The following GPHN variants were observed in gnomAD, a reference collection of about 807,000 sequenced individuals.
GPHN encodes gephyrin.
Under a neutral mutation model 95.5 loss-of-function variants are expected in GPHN, and 17 were observed. The ratio of observed to expected loss-of-function variants is 0.18; its 90% CI spans 0.12 to 0.27. The LOEUF (loss-of-function observed/expected upper bound fraction) is 0.27. Among genes scored for constraint, GPHN ranks in the 10% least tolerant of loss-of-function variants. GPHN has a pLI of 1.00. For missense variants in GPHN, 660 were observed against 978.1 expected (o/e 0.67, Z 4.34); for synonymous variants, 320 against 322.5 (o/e 0.99, Z 0.08).
intron 10 of GPHN, among the ~76,000 whole-genome samples, chr14:67,042,014 T>C (rs569595942): frequency 6.6e-6 from 1 of 152,326 alleles, no homozygotes; most frequent in African/African-American, 2.4e-5. Flanking sequence ...CATAAATGTC[T>C]TCTTTTGAGA....
At chr14:67,383,503 A>C in the GPHN span, 45 of 1,597,700 alleles carry the variant, frequency 2.8e-5, no homozygotes, top group Non-Finnish European at 3.8e-5. Flanking sequence ...TGTAAATCCT[A>C]GACTTGAAAG....
chr14:66,518,597 G>C (rs1347645533), intron 1 of GPHN, among the ~76,000 whole-genome samples: 1 of 152,070 alleles, frequency 6.6e-6, no homozygotes, highest in Non-Finnish European at 1.5e-5. Context: ...GTGTCCAACA[G>C]CAGATTAATG....
the GPHN span, among the ~76,000 whole-genome samples, chr14:67,217,177 T>A: frequency 2.0e-5 from 3 of 152,110 alleles, no homozygotes; most frequent in African/African-American, 7.2e-5. Context: ...CTTTTTTTTT[T>A]ACAGTTTCTG....
At chr14:67,629,762 A>G in the GPHN span, among the ~76,000 whole-genome samples, 1 of 152,204 alleles carries the variant, frequency 6.6e-6, no homozygotes, top group Non-Finnish European at 1.5e-5. Context: ...TTATTGTGAA[A>G]TGTGTTCAAG....
chr14:67,086,720 C>T (rs1210279897), intron 11 of GPHN, among the ~76,000 whole-genome samples: 1 of 149,760 alleles, frequency 6.7e-6, no homozygotes, highest in Non-Finnish European at 1.5e-5. Context: ...AAATATATTG[C>T]TGTGGGTAAG....
chr14:66,788,822 A>G (rs2059875139), intron 3 of GPHN, among the ~76,000 whole-genome samples: 1 of 151,952 alleles, frequency 6.6e-6, no homozygotes, highest in Non-Finnish European at 1.5e-5. Flanking sequence ...AGGCCTGGCT[A>G]ATTTTTTGTA....
At chr14:67,722,409 T>G in the GPHN span, 1 of 599,580 alleles carries the variant, frequency 1.7e-6, no homozygotes, top group African/African-American at 1.9e-5. Context: ...CTTGACTCCA[T>G]CCCCTCCCCA....
chr14:67,632,195 A>C, the GPHN span, among the ~76,000 whole-genome samples: 1 of 152,144 alleles, frequency 6.6e-6, no homozygotes, highest in Non-Finnish European at 1.5e-5. Context: ...CAAAAACTTT[A>C]TCTCTAATAC....
the GPHN span, among the ~76,000 whole-genome samples, chr14:67,381,983 C>G: frequency 6.6e-6 from 1 of 151,972 alleles, no homozygotes; most frequent in Non-Finnish European, 1.5e-5. Context: ...ATACTGAGAG[C>G]ACTTTAAAAA....
chr14:66,601,061 A>C (rs1003883502), intron 1 of GPHN, among the ~76,000 whole-genome samples: 11 of 152,176 alleles, frequency 7.2e-5, no homozygotes, highest in African/African-American at 2.6e-4. Flanking sequence ...AGGTATTATA[A>C]CACATACTAT....
chr14:67,301,862 T>C, the GPHN span: 2,112 of 1,203,318 alleles, frequency 1.8e-3, 17 homozygotes, highest in African/African-American at 0.016. Flanking sequence ...TAATTAATTA[T>C]AACACTTTTA....
At chr14:67,288,328 C>T in the GPHN span, among the ~76,000 whole-genome samples, 13 of 152,054 alleles carry the variant, frequency 8.5e-5, no homozygotes, top group Non-Finnish European at 5.9e-5. Flanking sequence ...GTGATCTGCC[C>T]TCCTGAGCCT....
chr14:67,226,550 G>A, the GPHN span, among the ~76,000 whole-genome samples: 6 of 152,166 alleles, frequency 3.9e-5, no homozygotes, highest in East Asian at 5.8e-4. Context: ...TAGTAGAGAC[G>A]GGGTTTCACC....
chr14:67,266,875 C>T, the GPHN span, among the ~76,000 whole-genome samples: 3 of 152,006 alleles, frequency 2.0e-5, no homozygotes, highest in South Asian at 2.1e-4. Flanking sequence ...GTTGGGAGGC[C>T]GAGGTGGACA....
At chr14:66,675,310 A>G (rs1003545162) in intron 1 of GPHN, among the ~76,000 whole-genome samples, 18 of 151,802 alleles carry the variant, frequency 1.2e-4, no homozygotes, top group Admixed American at 4.6e-4. Context: ...ACGCCCGGCT[A>G]ATTTTTGTAT....
In GPHN at chr14:66,820,012, G is replaced by A. The variant is rs372166024; in HGVS notation, c.202-4462G>A. On this transcript the variant is annotated intron_variant, in intron 3 of 22. Coordinates refer to ENST00000478722, the MANE Select transcript of GPHN (RefSeq NM_020806.5). Reference sequence around the variant, plus strand: ...GAAATAACTGTTTTTTATTAGAAGAGATATTATATGCTGAAATCCCTCTAA... The same window carrying A: ...GAAATAACTGTTTTTTATTAGAAGAAATATTATATGCTGAAATCCCTCTAA... Among the ~76,000 whole-genome samples the A allele has an allele frequency of 3.5e-3, 529 of 152,172 alleles. 1 individual carries two copies. Among genetic ancestry groups the A allele is most frequent in the African/African-American group, 0.012 (493 of 41,544 alleles).
At chr14:67,175,008 T>C (rs184478825) in intron 21 of GPHN, among the ~76,000 whole-genome samples, 229 of 152,320 alleles carry the variant, frequency 1.5e-3, no homozygotes, top group Non-Finnish European at 2.2e-3. Context: ...TTGTAAAAAA[T>C]TTTTTCCATT....
At chr14:67,619,953 T>G in the GPHN span, 1 of 1,521,330 alleles carries the variant, frequency 6.6e-7, no homozygotes, top group Non-Finnish European at 8.9e-7. Context: ...AGCCTCTGCC[T>G]TGGAGATTCT....
intron 14 of GPHN, among the ~76,000 whole-genome samples, 166 bp from the exon 15 acceptor site, chr14:67,111,695 G>T (rs1397441521): frequency 2.6e-5 from 4 of 151,972 alleles, no homozygotes; most frequent in Non-Finnish European, 5.9e-5. Flanking sequence ...AATTTTTCAG[G>T]AACCTGTGTT....
Sources: gnomAD v4.1 joint callset for allele counts (sites outside exome capture counted in the v4.1 genomes callset) on GRCh38, gnomAD v4.1.1 for gene constraint, MANE v1.5 for transcripts, NCBI Gene and HGNC (gene_info 2026-07-23, HGNC 2026-07-21) for gene names.